ACAP1: variants seen among roughly 807,000 people sequenced by gnomAD.
The protein encoded by ACAP1 is ArfGAP with coiled-coil, ankyrin repeat and PH domains 1, also known as arf-GAP with coiled-coil, ANK repeat and PH domain-containing protein 1.
Under a neutral mutation model 98.8 loss-of-function variants are expected in ACAP1, and 45 were observed. The ratio of observed to expected loss-of-function variants is 0.46; its 90% CI spans 0.36 to 0.58. ACAP1 has a LOEUF of 0.58. Among genes scored for constraint, ACAP1 ranks in the 20% least tolerant of loss-of-function variants. The probability of loss-of-function intolerance (pLI) is 0.00; values close to 1 mark genes in which losing one functional copy is unlikely to be tolerated. For synonymous variants in ACAP1, 362 were observed against 375.3 expected, an observed-to-expected ratio of 0.96 and a Z score of 0.41; for missense variants, 735 against 971.4, an observed-to-expected ratio of 0.76 and a Z score of 3.24.
intron 14 of ACAP1, 74 bp downstream of exon 14, chr17:7,347,316 A>G: frequency 1.5e-6 from 2 of 1,353,284 alleles, no homozygotes; most frequent in Admixed American, 2.1e-5. Context: ...AGCGCATCAC[A>G]CCGGCCCCTC....
Position 7,344,230 on chromosome 17 carries a change from A to G in ACAP1, c.744+107A>G. The G allele has an allele frequency of 8.0e-7, 1 of 1,256,278 alleles. No individual in the cohort carries two copies. The highest frequency in any genetic ancestry group is 1.1e-6 in the Non-Finnish European group (1 of 892,734). 77.8% of individuals were successfully genotyped at this position (1,256,278 alleles called of 1,614,324 possible). ...AGTTCAAGATTAGCCTAGGCATCGTAGTGAAACTCCATCTCTACAGAAAAT... is the reference window on the plus strand; with the variant it reads ...AGTTCAAGATTAGCCTAGGCATCGTGGTGAAACTCCATCTCTACAGAAAAT... On this transcript the variant is annotated intron_variant, in intron 9 of 21. Transcript: ENST00000158762. The surrounding 1 kb of genome is among the most constrained non-coding windows in gnomAD (Gnocchi z 4.9).
intron 10 of ACAP1, 140 bp from the exon 11 acceptor site, chr17:7,346,104 C>G: frequency 2.6e-6 from 2 of 779,308 alleles, no homozygotes; most frequent in East Asian, 4.9e-5. Flanking sequence ...AATTGTCCAC[C>G]CTTCTCTGGA....
At chr17:7,351,065 GACCTCTCTCCCTAGT>G in intron 21 of ACAP1, 66 bp downstream of exon 21, 1 of 1,496,222 alleles carries the variant, frequency 6.7e-7, no homozygotes, top group Non-Finnish European at 9.3e-7. Flanking sequence ...GGTCCACGGT[GACCTCTCTCCCTAGT>G]GCCCAGCTGC....
chr17:7,350,319 T>A lies in ACAP1; in HGVS notation c.2072+82T>A. On this transcript the variant is annotated intron_variant, in intron 20 of 21. Transcript: ENST00000158762. The surrounding 1 kb of genome is among the most constrained non-coding windows in gnomAD (Gnocchi z 4.6). ...CCACGTTCGGGCGGGCGGGCGGGGC[T>A]GACGCCGAAACAGAAGCCTGTGCTG... 5 of 1,120,054 alleles carry A rather than the reference T, an allele frequency of 4.5e-6. No homozygotes were observed. The highest frequency in any genetic ancestry group is 6.4e-6 in the Non-Finnish European group (5 of 776,178). The allele number at this position is 1,120,054 out of a possible 1,614,324, so 69.4% of individuals were successfully genotyped here.
chr17:7,339,107 T>G (rs542850980), intron 2 of ACAP1, among the ~76,000 whole-genome samples: 128 of 146,378 alleles, frequency 8.7e-4, no homozygotes, highest in Admixed American at 1.6e-3. Flanking sequence ...TGGCTAACAC[T>G]GTGAAACCCC....
At position 7,346,923 on chromosome 17, in the gene ACAP1, C is replaced by A. The variant is rs1182015309; in HGVS notation, c.1123C>A (p.Pro375Thr). The change falls in exon 13 of 22, where the codon CCA (proline) becomes ACA (threonine). Residue 375 changes from proline to threonine, a missense_variant. Pro to Thr is a conservative substitution (Grantham distance 38). Transcript: ENST00000158762. ...TCGCCTTGATGACAGCCCCCGGGGT[C>A]CAGGCCAGGTACCTTAACCTGGGGG... Reference protein sequence around the residue: ...QARLDDSPRGPGQGSGHLAIG... With the variant: ...QARLDDSPRGTGQGSGHLAIG... 6.2e-7 allele frequency: 1 copy of A among 1,611,382 alleles called. No individual in the cohort carries two copies. Among genetic ancestry groups the A allele is most frequent in the Non-Finnish European group, 8.5e-7 (1 of 1,178,058 alleles).
Position 7,347,896 on chromosome 17 carries a change from C to T in ACAP1, c.1344-26C>T, listed in dbSNP as rs535013341. On this transcript the variant is annotated intron_variant, in intron 14 of 21. Transcript: ENST00000158762. ...AGGCCACTGCCCCCCTGCACAGGGC[C>T]TGACCCTCCCCCTCTGGCCCTCCAG... The T allele has an allele frequency of 8.9e-5, 143 of 1,610,560 alleles. 2 individuals carry two copies. The South Asian group carries it at 1.5e-3, about 17-fold the overall frequency.
Position 7,344,201 on chromosome 17 carries a change from C to A in ACAP1, c.744+78C>A, listed in dbSNP as rs543860166. On this transcript the variant is annotated intron_variant, in intron 9 of 21. Coordinates refer to ENST00000158762, the MANE Select transcript of ACAP1 (RefSeq NM_014716.4). The surrounding 1 kb of genome is among the most constrained non-coding windows in gnomAD (Gnocchi z 4.9). ...CTGAGGTGGGAAGATTGCTTGAGGC[C>A]TGGAGTTCAAGATTAGCCTAGGCAT... The A allele has an allele frequency of 9.5e-6, 14 of 1,469,022 alleles. No homozygotes were observed. The East Asian group carries it at 3.5e-4, about 36-fold the overall frequency. The allele number at this position is 1,469,022 out of a possible 1,614,324, so 91.0% of individuals were successfully genotyped here.
intron 2 of ACAP1, among the ~76,000 whole-genome samples, chr17:7,338,834 A>G (rs543264721): frequency 6.6e-6 from 1 of 151,696 alleles, no homozygotes; most frequent in East Asian, 2.0e-4. Flanking sequence ...GGTGTGAGCC[A>G]CCACACCTGG....
Position 7,343,890 on chromosome 17 carries a change from C to G in ACAP1, c.603C>G (p.Thr201=). ...TGCGTTTGGTGGAGGCCCAGGCTACCCATTTCCAGCAGGGCCATGAGGAGC... is the reference window on the plus strand; with the variant it reads ...TGCGTTTGGTGGAGGCCCAGGCTACGCATTTCCAGCAGGGCCATGAGGAGC... The part of the protein sequence containing the change: ...FVLRLVEAQA[T]HFQQGHEELS... The change falls in exon 8 of 22, where the codon ACC becomes ACG. Residue 201 remains threonine, a synonymous_variant. Transcript: ENST00000158762. This position sits in a 1 kb window ranked among gnomAD's most constrained non-coding sequence, Gnocchi z 4.9. 6.2e-7 allele frequency: 1 copy of G among 1,613,014 alleles called. No homozygotes were observed.
chr17:7,338,072 GCT>G (rs1004799652), intron 2 of ACAP1, among the ~76,000 whole-genome samples: 6 of 152,004 alleles, frequency 3.9e-5, no homozygotes, highest in African/African-American at 1.5e-4. Flanking sequence ...ACACTCAAAT[GCT>G]CTCTCATTCC....
In ACAP1 at chr17:7,344,179, A is replaced by T; in HGVS notation, c.744+56A>T. ...GTCATCCCAACATGTTGGGAGGCTG[A>T]GGTGGGAAGATTGCTTGAGGCCTGG... is the stretch of plus-strand genomic sequence containing the variant. On this transcript the variant is annotated intron_variant, in intron 9 of 21. Coordinates refer to ENST00000158762, the MANE Select transcript of ACAP1 (RefSeq NM_014716.4). The surrounding 1 kb of genome is among the most constrained non-coding windows in gnomAD (Gnocchi z 4.9). 1 of 1,527,396 alleles carries T rather than the reference A, an allele frequency of 6.5e-7. No individual in the cohort carries two copies. Among genetic ancestry groups the T allele is most frequent in the Non-Finnish European group, 8.9e-7 (1 of 1,125,772 alleles). 94.6% of individuals were successfully genotyped at this position (1,527,396 alleles called of 1,614,324 possible). A position where few individuals can be genotyped will look rare whatever the true frequency, so the allele number is the denominator to read the frequency against.
chr17:7,348,000 G>A lies in ACAP1; in HGVS notation c.1413+9G>A. ...AGCCAGAACTAGTGAAGGTAACTTA[G>A]CGTATTGTGAAGATTGGGGGCAAGA... On this transcript the variant is annotated intron_variant, in intron 15 of 21. Transcript: ENST00000158762. The A allele has an allele frequency of 6.2e-7, 1 of 1,614,194 alleles. No homozygotes were observed. The highest frequency in any genetic ancestry group is 8.5e-7 in the Non-Finnish European group (1 of 1,179,994).
intron 2 of ACAP1, among the ~76,000 whole-genome samples, chr17:7,338,418 T>A (rs2073242605): frequency 6.6e-6 from 1 of 151,012 alleles, no homozygotes; most frequent in Admixed American, 6.6e-5. Flanking sequence ...CACACCTGGA[T>A]AATTTTTTTT....
chr17:7,340,530 A>G (rs1416620398), intron 2 of ACAP1, among the ~76,000 whole-genome samples: 2 of 152,128 alleles, frequency 1.3e-5, no homozygotes, highest in South Asian at 2.1e-4. Flanking sequence ...CAGACAACCC[A>G]TGGTGATGTC....
chr17:7,341,243 C>T lies in ACAP1; in HGVS notation c.112-705C>T, dbSNP rs969279314. Reference sequence around the variant, plus strand: ...TCGGCTCACTGCAGCCTTGACCTCCCGGATTCAGGCAGTCCTCCTGCCTTA... The same window carrying T: ...TCGGCTCACTGCAGCCTTGACCTCCTGGATTCAGGCAGTCCTCCTGCCTTA... On this transcript the variant is annotated intron_variant, in intron 2 of 21. Transcript: ENST00000158762. 2.6e-5 allele frequency among the ~76,000 whole-genome samples: 4 copies of T among 152,108 alleles called. No homozygotes were observed. In the South Asian group the frequency reaches 6.2e-4, roughly 24 times the overall value.
At chr17:7,345,948 T>C (rs902445822) in intron 10 of ACAP1, 1 of 349,130 alleles carries the variant, frequency 2.9e-6, no homozygotes, top group Non-Finnish European at 5.5e-6. Flanking sequence ...GAGCCCAGCC[T>C]AAATAGTATT....
At chr17:7,349,286 GAGAGATC>G in intron 18 of ACAP1, 119 bp downstream of exon 18, 1 of 1,126,642 alleles carries the variant, frequency 8.9e-7, no homozygotes, top group Non-Finnish European at 1.2e-6. Context: ...CACCCATAGG[GAGAGATC>G]AACAATAGAG....
chr17:7,337,426 C>A, intron 2 of ACAP1, 57 bp downstream of exon 2: 2 of 1,486,154 alleles, frequency 1.3e-6, no homozygotes, highest in Non-Finnish European at 1.9e-6. Flanking sequence ...GGGGTAGGGC[C>A]AGGGAGAAAG....
Sources: allele counts gnomAD v4.1 joint callset (sites outside exome capture counted in the v4.1 genomes callset), GRCh38; gene constraint gnomAD v4.1.1; non-coding constraint Gnocchi (gnomAD v3.1); transcripts MANE v1.5; gene names NCBI Gene and HGNC (gene_info 2026-07-23, HGNC 2026-07-21).